Variants in CLSTN2 observed in about 807,000 individuals in gnomAD.
CLSTN2 encodes calsyntenin 2.
In CLSTN2, 48 loss-of-function variants were observed where a neutral mutation model predicts 101.2. The ratio of observed to expected loss-of-function variants is 0.47; its 90% CI spans 0.38 to 0.60. The LOEUF (loss-of-function observed/expected upper bound fraction) is 0.60, where lower values mean the gene tolerates loss of function less well. Among genes scored for constraint, CLSTN2 ranks in the 20% least tolerant of loss-of-function variants. The pLI, the probability that CLSTN2 is intolerant of heterozygous loss-of-function variation, is 0.00. For synonymous variants in CLSTN2, 481 were observed against 463.6 expected (o/e 1.04, Z -0.48); for missense variants, 1,160 against 1,238.2 (o/e 0.94, Z 0.95).
intron 2 of CLSTN2, among the ~76,000 whole-genome samples, chr3:140,331,389 A>G (rs563794139): frequency 7.1e-4 from 108 of 152,224 alleles, no homozygotes; most frequent in African/African-American, 2.4e-3. Context: ...TCCTCTGAAA[A>G]TACCCTCTCA....
At chr3:140,366,875 T>C (rs2087796563) in intron 2 of CLSTN2, among the ~76,000 whole-genome samples, 1 of 152,166 alleles carries the variant, frequency 6.6e-6, no homozygotes, top group African/African-American at 2.4e-5. Context: ...GTCCTGGGCG[T>C]TGTGAATGAC....
intron 2 of CLSTN2, among the ~76,000 whole-genome samples, chr3:140,313,804 G>T (rs189633742): frequency 6.6e-6 from 1 of 152,186 alleles, no homozygotes; most frequent in South Asian, 2.1e-4. Flanking sequence ...CATAGCAAAT[G>T]CACAGGCAAA....
intron 2 of CLSTN2, among the ~76,000 whole-genome samples, chr3:140,240,965 A>T (rs2086462279): frequency 6.6e-6 from 1 of 152,134 alleles, no homozygotes. Flanking sequence ...GACCATCATG[A>T]GGTTGTAATG....
intron 1 of CLSTN2, among the ~76,000 whole-genome samples, chr3:140,069,109 A>G (rs541985942): frequency 6.6e-6 from 1 of 152,290 alleles, no homozygotes; most frequent in South Asian, 2.1e-4. Context: ...TCCTCTTCCA[A>G]GAGGAAAATT....
chr3:140,385,666 C>T (rs529320385), intron 2 of CLSTN2, among the ~76,000 whole-genome samples: 6 of 152,148 alleles, frequency 3.9e-5, no homozygotes, highest in Admixed American at 2.0e-4. Context: ...CGTGAGCCAC[C>T]GCGCCCGGCC....
intron 1 of CLSTN2, among the ~76,000 whole-genome samples, chr3:140,071,013 T>C (rs2107776745): frequency 6.6e-6 from 1 of 152,262 alleles, no homozygotes; most frequent in Admixed American, 6.5e-5. Flanking sequence ...AAAAAGAAGA[T>C]TGGCACGGCA....
At chr3:140,447,825 A>G (rs1576572694) in intron 5 of CLSTN2, among the ~76,000 whole-genome samples, 1 of 152,354 alleles carries the variant, frequency 6.6e-6, no homozygotes, top group Admixed American at 6.5e-5. Context: ...GGAGAAAGAG[A>G]AAACATTAGC....
intron 1 of CLSTN2, among the ~76,000 whole-genome samples, chr3:140,129,646 C>T (rs1171501519): frequency 6.6e-6 from 1 of 152,132 alleles, no homozygotes; most frequent in Non-Finnish European, 1.5e-5. Context: ...TCTAGCAACC[C>T]CTTGGTTCAC....
rs1001514375 is a variant in CLSTN2, at chr3:140,528,796, C to A, written c.1345-3528C>A. On this transcript the variant is annotated intron_variant, in intron 8 of 16. Transcript: ENST00000458420. ...AGAAGAATCTCTCCATTCCCTGGGACCTCACAGTGCCTTGCACCTGGTCTA... is the reference window on the plus strand; with the variant it reads ...AGAAGAATCTCTCCATTCCCTGGGAACTCACAGTGCCTTGCACCTGGTCTA... 3.9e-5 allele frequency among the ~76,000 whole-genome samples: 6 copies of A among 152,360 alleles called. No homozygotes were observed. The East Asian group carries it at 9.6e-4, about 24-fold the overall frequency.
chr3:140,161,788 C>T (rs1283910035), intron 1 of CLSTN2, among the ~76,000 whole-genome samples: 1 of 152,152 alleles, frequency 6.6e-6, no homozygotes. Context: ...CTTTGACAAG[C>T]CACATACTAA....
At chr3:140,469,514 G>A (rs1933785389) in intron 8 of CLSTN2, among the ~76,000 whole-genome samples, 1 of 152,172 alleles carries the variant, frequency 6.6e-6, no homozygotes, top group Admixed American at 6.5e-5. Flanking sequence ...TGCATACCTA[G>A]TAAGGTCACC....
At chr3:140,153,191 G>A (rs1478655687) in intron 1 of CLSTN2, among the ~76,000 whole-genome samples, 1 of 152,216 alleles carries the variant, frequency 6.6e-6, no homozygotes, top group African/African-American at 2.4e-5. Context: ...GCTCCCTTGT[G>A]AGTTCTATAG....
chr3:140,226,294 A>C (rs2086319606), intron 2 of CLSTN2, among the ~76,000 whole-genome samples: 2 of 152,240 alleles, frequency 1.3e-5, no homozygotes, highest in African/African-American at 4.8e-5. Context: ...ACTGTTCTGC[A>C]TCTTGACTGT....
At chr3:140,555,180 G>T (rs1435107901) in intron 10 of CLSTN2, among the ~76,000 whole-genome samples, 2 of 152,206 alleles carry the variant, frequency 1.3e-5, no homozygotes, top group East Asian at 3.9e-4. Context: ...AAGGGATGTG[G>T]CAAACCATGA....
intron 8 of CLSTN2, among the ~76,000 whole-genome samples, chr3:140,514,198 G>A (rs186198098): frequency 6.6e-6 from 1 of 151,946 alleles, no homozygotes; most frequent in African/African-American, 2.4e-5. Context: ...ACATGAATAA[G>A]TTCTTTAGTG....
intron 1 of CLSTN2, among the ~76,000 whole-genome samples, chr3:140,060,431 T>C (rs2008184393): frequency 6.6e-6 from 1 of 152,184 alleles, no homozygotes; most frequent in Non-Finnish European, 1.5e-5. Context: ...CAAAATCCTC[T>C]TGGAAATGAA....
At chr3:140,249,066 C>T (rs959126443) in intron 2 of CLSTN2, among the ~76,000 whole-genome samples, 1 of 152,142 alleles carries the variant, frequency 6.6e-6, no homozygotes, top group Admixed American at 6.5e-5. Context: ...CTCCCAGTCA[C>T]AGTTCCTATT....
chr3:140,234,709 GAGA>G (rs1383703034), intron 2 of CLSTN2, among the ~76,000 whole-genome samples: 1 of 152,130 alleles, frequency 6.6e-6, no homozygotes, highest in East Asian at 1.9e-4. Context: ...ATGCCTACGT[GAGA>G]AGATCAGAAC....
At chr3:140,175,595 A>C (rs2010310393) in intron 1 of CLSTN2, among the ~76,000 whole-genome samples, 1 of 152,216 alleles carries the variant, frequency 6.6e-6, no homozygotes, top group Non-Finnish European at 1.5e-5. Flanking sequence ...GTAGCATTAC[A>C]GAATTAAAGC....
Sources: allele counts gnomAD v4.1 joint callset (sites outside exome capture counted in the v4.1 genomes callset), GRCh38; gene constraint gnomAD v4.1.1; transcripts MANE v1.5; gene names NCBI Gene and HGNC (gene_info 2026-07-23, HGNC 2026-07-21).